FOXN3: variants seen among roughly 807,000 people sequenced by gnomAD.
The protein encoded by FOXN3 is forkhead box protein N3.
Under a neutral mutation model 38.4 loss-of-function variants are expected in FOXN3, and 7 were observed. That is an observed-to-expected ratio of 0.18 (90% CI 0.10 to 0.34). The LOEUF is 0.34. FOXN3 is among the 10% of genes least tolerant of loss of function. The pLI, the probability that FOXN3 is intolerant of heterozygous loss-of-function variation, is 1.00. For missense variants in FOXN3, 456 were observed against 613.4 expected (o/e 0.74, Z 2.71); for synonymous variants, 230 against 242.2 (o/e 0.95, Z 0.47).
intron 3 of FOXN3, among the ~76,000 whole-genome samples, chr14:89,299,176 C>T (rs1467556893): frequency 6.6e-6 from 1 of 152,204 alleles, no homozygotes; most frequent in Non-Finnish European, 1.5e-5. Context: ...CCAAATCTCA[C>T]CTTGAACTGT....
Position 89,230,787 on chromosome 14 carries a change from G to A in FOXN3, c.746-49981C>T, listed in dbSNP as rs1029757700. 22 of 440,218 alleles carry A rather than the reference G, an allele frequency of 5.0e-5. No homozygotes were observed. The Middle Eastern group carries it at 2.2e-3, about 45-fold the overall frequency. 27.3% of individuals were successfully genotyped at this position (440,218 alleles called of 1,614,324 possible). On this transcript the variant is annotated intron_variant, in intron 4 of 5. Transcript: ENST00000557258. ...TAAACAAACATTCTTGGATAGTAGA[G>A]GTCACATCTGCTTTAAATTCTGTAA...
intron 4 of FOXN3, among the ~76,000 whole-genome samples, chr14:89,221,092 G>A (rs1884447884): frequency 6.6e-6 from 1 of 152,062 alleles, no homozygotes; most frequent in Non-Finnish European, 1.5e-5. Flanking sequence ...TCAAACGAAG[G>A]CAGAAGCCTG....
At position 89,576,641 on chromosome 14, in the gene FOXN3, A is replaced by G. The variant is rs546462509; in HGVS notation, c.-15+42387T>C. On this transcript the variant is annotated intron_variant, in intron 1 of 6. Transcript: ENST00000345097. The stretch of plus-strand genomic sequence containing the variant: ...TCACGGCAAGCTACTGCAGAATTAG[A>G]AGGGTGGCCCATCTGCTGGGTATCC... 3.9e-5 allele frequency: 6 copies of G among 152,290 alleles called. No homozygotes were observed. In the South Asian group the frequency reaches 1.2e-3, roughly 32 times the overall value. 9.4% of individuals were successfully genotyped at this position (152,290 alleles called of 1,614,324 possible).
chr14:89,532,004 C>T (rs1232357670), intron 1 of FOXN3, among the ~76,000 whole-genome samples: 2 of 152,184 alleles, frequency 1.3e-5, no homozygotes, highest in Non-Finnish European at 2.9e-5. Context: ...AAGTATCATA[C>T]CTGGACTGGC....
At chr14:89,455,218 C>T (rs1321542763) in intron 1 of FOXN3, among the ~76,000 whole-genome samples, 2 of 152,124 alleles carry the variant, frequency 1.3e-5, no homozygotes, top group East Asian at 1.9e-4. Context: ...GATATGCCAT[C>T]GGCATTTGTG....
chr14:89,207,337 A>T (rs897945362), intron 4 of FOXN3, among the ~76,000 whole-genome samples: 6 of 148,366 alleles, frequency 4.0e-5, no homozygotes, highest in African/African-American at 1.5e-4. Flanking sequence ...AGTCTAGATT[A>T]AAAAAAAAAC....
intron 1 of FOXN3, among the ~76,000 whole-genome samples, chr14:89,553,825 A>G (rs972997922): frequency 3.9e-5 from 6 of 152,178 alleles, no homozygotes; most frequent in Non-Finnish European, 5.9e-5. Flanking sequence ...GTGAAAATAA[A>G]ATCACTTTTT....
chr14:89,389,058 G>T (rs1043557127), intron 2 of FOXN3, among the ~76,000 whole-genome samples: 3 of 152,108 alleles, frequency 2.0e-5, no homozygotes, highest in African/African-American at 7.2e-5. Flanking sequence ...GTGACTGGGT[G>T]CTTGCTCTTG....
At chr14:89,497,516 T>G (rs1247000750) in intron 1 of FOXN3, among the ~76,000 whole-genome samples, 1 of 151,184 alleles carries the variant, frequency 6.6e-6, no homozygotes, top group African/African-American at 2.4e-5. Context: ...AAGCAATTCT[T>G]CTGCCTCAGC....
At chr14:89,417,242 A>AGGAGGAGGGGAAGCGCGGGGAG (rs1891769147), upstream of FOXN3, 1 of 143,880 alleles carries the variant, frequency 7.0e-6, no homozygotes, top group Non-Finnish European at 1.5e-5. Flanking sequence ...ATGACCAGGC[A>AGGAGGAGGGGAAGCGCGGGGAG]GGAGGAGGGG....
At chr14:89,544,868 G>A (rs1894856075) in intron 1 of FOXN3, among the ~76,000 whole-genome samples, 1 of 152,164 alleles carries the variant, frequency 6.6e-6, no homozygotes, top group Non-Finnish European at 1.5e-5. Flanking sequence ...ACAATCCTTA[G>A]AGCAAGGTGC....
rs1280474127 is a variant in FOXN3 at position 89,484,939 on chromosome 14, G to T, written c.-14-72449C>A. ...GGCCAAGGCAGGAGGATCACTTGAG[G>T]TCAGGAGTTCGAGACCAGCCTGGCC... On this transcript the variant is annotated intron_variant, in intron 1 of 6. Coordinates refer to the FOXN3 transcript ENST00000345097. This position sits in a 1 kb window ranked among gnomAD's most constrained non-coding sequence, Gnocchi z 4.0. Among the ~76,000 whole-genome samples, 1 of 152,024 alleles carries T rather than the reference G, an allele frequency of 6.6e-6. No homozygotes were observed. The highest frequency in any genetic ancestry group is 1.5e-5 in the Non-Finnish European group (1 of 68,004).
intron 4 of FOXN3, among the ~76,000 whole-genome samples, chr14:89,254,544 G>T (rs942643790): frequency 1.3e-5 from 2 of 152,186 alleles, no homozygotes; most frequent in South Asian, 2.1e-4. Context: ...CCATCTCCCA[G>T]ATGTCAAGGG....
rs1317090174 is a variant in FOXN3 at position 89,526,215 on chromosome 14, AT to A, written c.-15+92812del. ...CCTGTAAGATTAAAAACAAGGCAAG[AT>A]TTTCTGCTCCCATGACTTCTATTTA... On this transcript the variant is annotated intron_variant, in intron 1 of 6. Coordinates refer to the FOXN3 transcript ENST00000345097. Among the ~76,000 whole-genome samples the A allele has an allele frequency of 6.6e-5, 10 of 152,248 alleles. No homozygotes were observed. In the South Asian group the frequency reaches 2.1e-3, roughly 32 times the overall value.
At chr14:89,172,385 C>G (rs1249290489) in intron 5 of FOXN3, among the ~76,000 whole-genome samples, 3 of 152,180 alleles carry the variant, frequency 2.0e-5, no homozygotes, top group Non-Finnish European at 4.4e-5. Context: ...CTGCACCTAG[C>G]ATTCAATATA....
intron 1 of FOXN3, among the ~76,000 whole-genome samples, chr14:89,561,154 C>T (rs1895241199): frequency 6.6e-6 from 1 of 152,206 alleles, no homozygotes; most frequent in South Asian, 2.1e-4. Flanking sequence ...GTGATAAAAG[C>T]GTGAGGCCCC....
At chr14:89,589,790 G>A (rs1895915385) in intron 1 of FOXN3, among the ~76,000 whole-genome samples, 1 of 152,174 alleles carries the variant, frequency 6.6e-6, no homozygotes, top group East Asian at 1.9e-4. Context: ...AGCAAATTCT[G>A]AGAAGGGCTG....
At chr14:89,178,808 C>T (rs1418043171) in intron 5 of FOXN3, among the ~76,000 whole-genome samples, 1 of 152,118 alleles carries the variant, frequency 6.6e-6, no homozygotes, top group Admixed American at 6.6e-5. Context: ...TTTCTGTGCC[C>T]TTCTATAAGG....
intron 4 of FOXN3, among the ~76,000 whole-genome samples, chr14:89,206,546 G>A (rs1013438664): frequency 6.6e-6 from 1 of 152,304 alleles, no homozygotes; most frequent in South Asian, 2.1e-4. Context: ...CCAGTGGGGC[G>A]GCAGCAAGGA....
Sources: gnomAD v4.1 joint callset for allele counts (sites outside exome capture counted in the v4.1 genomes callset) on GRCh38, gnomAD v4.1.1 for gene constraint, Gnocchi (gnomAD v3.1) non-coding constraint, MANE v1.5 for transcripts, NCBI Gene and HGNC (gene_info 2026-07-23, HGNC 2026-07-21) for gene names.